KRT25: variants seen among roughly 807,000 people sequenced by gnomAD.
The protein encoded by KRT25 is keratin 25.
KRT25 carries 37 observed loss-of-function variants against 47.6 expected under a neutral mutation model. That is an observed-to-expected ratio of 0.78 (90% confidence interval 0.60 to 1.02). The LOEUF (loss-of-function observed/expected upper bound fraction) is 1.02. Ranked by LOEUF, KRT25 falls within the 50% of genes least tolerant of loss-of-function variation. The pLI, the probability that KRT25 is intolerant of heterozygous loss-of-function variation, is 0.00. For synonymous variants in KRT25, 203 were observed against 210.2 expected (o/e 0.97, Z 0.30); for missense variants, 542 against 550.3 (o/e 0.98, Z 0.15).
In KRT25 at chr17:40,755,273, G is replaced by T. The variant is rs139726500; in HGVS notation, c.-2C>A. ...TGCACTGGAAAGTCGAAGAGACATG[G>T]TATCAGGGCAAACGCGTTGCAGAGC... On this transcript the variant is annotated 5_prime_UTR_variant, in exon 1 of 8. Transcript: ENST00000312150. 18,320 of 1,611,912 alleles carry T rather than the reference G, an allele frequency of 0.011. 237 individuals are homozygous for T. The highest frequency in any genetic ancestry group is 0.011 in the Non-Finnish European group (13,297 of 1,179,000).
rs373580079 is a variant in KRT25 at position 40,753,576 on chromosome 17, C to T, written c.669+284G>A. On this transcript the variant is annotated intron_variant, in intron 3 of 7. Transcript: ENST00000312150. Reference sequence around the variant, plus strand: ...CCGGGCGCCTGTAGTCCCAGCTACTCGGGAGGCTGAGGCAGGAGAATGCCG... The same window carrying T: ...CCGGGCGCCTGTAGTCCCAGCTACTTGGGAGGCTGAGGCAGGAGAATGCCG... Among the ~76,000 whole-genome samples the T allele has an allele frequency of 2.3e-4, 35 of 150,796 alleles. 1 individual carries two copies. The East Asian group carries it at 3.7e-3, about 16-fold the overall frequency.
rs879893603 is a variant in KRT25 at position 40,753,934 on chromosome 17, A to G, written c.595T>C (p.Cys199Arg). Reference protein sequence around the residue: ...LRRVLDEITLCRTDLEIQYET... With the variant: ...LRRVLDEITLRRTDLEIQYET... ...TACTGAATCTCCAGATCTGTTCTGC[A>G]CAGGGTTATTTCATCCAAAACTCTT... is the stretch of plus-strand genomic sequence containing the variant. The change falls in exon 3 of 8, where the codon TGC becomes CGC. Residue 199 changes from cysteine to arginine, a missense_variant. Cys to Arg is a radical substitution (Grantham distance 180). Transcript: ENST00000312150. 1 of 1,614,006 alleles carries G rather than the reference A, an allele frequency of 6.2e-7. No individual in the cohort carries two copies. The highest frequency in any genetic ancestry group is 2.2e-5 in the East Asian group (1 of 44,866).
In KRT25 at chr17:40,750,937, A is replaced by T. The variant is rs377102677; in HGVS notation, c.957+17T>A. 1 of 1,612,410 alleles carries T rather than the reference A, an allele frequency of 6.2e-7. No individual in the cohort carries two copies. The highest frequency in any genetic ancestry group is 8.5e-7 in the Non-Finnish European group (1 of 1,178,904). On this transcript the variant is annotated intron_variant, in intron 5 of 7. Coordinates refer to ENST00000312150, the MANE Select transcript of KRT25 (RefSeq NM_181534.4). ...GATGACCTGGGAGATGGTGAAAAAAAATTGTTCTTTTCATACCGTGGCTAG... is the reference window on the plus strand; with the variant it reads ...GATGACCTGGGAGATGGTGAAAAAATATTGTTCTTTTCATACCGTGGCTAG...
rs376513001 is a variant in KRT25 at position 40,755,286 on chromosome 17, C to A, written c.-15G>T. ...CGAAGAGACATGGTATCAGGGCAAA[C>A]GCGTTGCAGAGCTGTATTTGTGAAA... is the stretch of plus-strand genomic sequence containing the variant. On this transcript the variant is annotated 5_prime_UTR_variant, in exon 1 of 8. Coordinates refer to ENST00000312150, the MANE Select transcript of KRT25 (RefSeq NM_181534.4). 6.2e-7 allele frequency: 1 copy of A among 1,605,516 alleles called. No homozygotes were observed. Among genetic ancestry groups the A allele is most frequent in the African/African-American group, 1.3e-5 (1 of 74,670 alleles).
chr17:40,748,754 A>G (rs2144121563), intron 7 of KRT25, among the ~76,000 whole-genome samples: 1 of 152,334 alleles, frequency 6.6e-6, no homozygotes, highest in South Asian at 2.1e-4. Flanking sequence ...ATAAAGACAC[A>G]TGCATGTGAA....
At chr17:40,750,832 C>A (rs997255438) in intron 5 of KRT25, 122 bp downstream of exon 5, 4 of 1,341,866 alleles carry the variant, frequency 3.0e-6, no homozygotes, top group Non-Finnish European at 4.1e-6. Context: ...CTATTCTTTC[C>A]TTATGTTTTG....
chr17:40,754,572 G>A (rs756195197), intron 1 of KRT25, 104 bp from the exon 2 acceptor site: 10 of 1,075,998 alleles, frequency 9.3e-6, no homozygotes, highest in Non-Finnish European at 1.4e-5. Flanking sequence ...ATCACAAGTA[G>A]GAGGGCATGG....
intron 1 of KRT25, among the ~76,000 whole-genome samples, 171 bp downstream of exon 1, chr17:40,754,672 C>T (rs1320979060): frequency 6.8e-6 from 1 of 147,400 alleles, no homozygotes; most frequent in African/African-American, 2.5e-5. Context: ...GAGCCAAGAT[C>T]CCACGGTTGC....
At chr17:40,749,505 A>G (rs895160862) in intron 6 of KRT25, among the ~76,000 whole-genome samples, 180 bp from the exon 7 acceptor site, 1 of 152,222 alleles carries the variant, frequency 6.6e-6, no homozygotes, top group Non-Finnish European at 1.5e-5. Context: ...CAAGTCACCA[A>G]GTGACATCAC....
intron 3 of KRT25, among the ~76,000 whole-genome samples, chr17:40,753,254 G>C (rs747199378): frequency 2.0e-5 from 3 of 151,396 alleles, no homozygotes; most frequent in Admixed American, 1.3e-4. Context: ...TGTCCAAAGC[G>C]GATCATTTTA....
In KRT25 at chr17:40,750,375, C is replaced by A. The variant is rs866881312; in HGVS notation, c.1175+5G>T. 1.2e-6 allele frequency: 2 copies of A among 1,613,354 alleles called. No individual in the cohort carries two copies. Among genetic ancestry groups the A allele is most frequent in the African/African-American group, 2.7e-5 (2 of 74,888 alleles). ...TACGCCATCTATGCAGATTATTTTA[C>A]CTACCCATCATCTCCTCCTATAAGG... is the stretch of plus-strand genomic sequence containing the variant. On this transcript the variant is annotated splice_donor_5th_base_variant and intron_variant, in intron 6 of 7. Coordinates refer to ENST00000312150, the MANE Select transcript of KRT25 (RefSeq NM_181534.4).
rs201959114 is a variant in KRT25 at position 40,754,462 on chromosome 17, C to T, written c.436G>A (p.Ala146Thr). ...IIDDLKNQIIASTTSNANAVL... is the reference protein window; with the variant it reads ...IIDDLKNQIITSTTSNANAVL... ...GCATTAGCATTGCTGGTGGTGGATG[C>T]GATGATCTAGAAATGGGAATTTGAC... is the stretch of plus-strand genomic sequence containing the variant. The change falls in exon 2 of 8, where the codon GCA (alanine) becomes ACA (threonine). Residue 146 changes from alanine (A) to threonine (T), a missense_variant. Physicochemically the swap from Ala to Thr is moderately conservative, Grantham distance 58. Transcript: ENST00000312150. 502 of 1,613,010 alleles carry T rather than the reference C, an allele frequency of 3.1e-4. No homozygotes were observed. In the East Asian group the frequency reaches 4.0e-3, roughly 13 times the overall value.
intron 3 of KRT25, 70 bp downstream of exon 3, chr17:40,753,790 T>G (rs1450402934): frequency 1.2e-5 from 16 of 1,308,616 alleles, no homozygotes; most frequent in Non-Finnish European, 1.6e-5. Context: ...TGAGAGGTTA[T>G]GTACATTATC....
At position 40,754,400 on chromosome 17, in the gene KRT25, A is replaced by G. The variant is rs1567664608; in HGVS notation, c.498T>C (p.Asp166=). The G allele has an allele frequency of 6.2e-7, 1 of 1,613,808 alleles. No individual in the cohort carries two copies. The highest frequency in any genetic ancestry group is 8.5e-7 in the Non-Finnish European group (1 of 1,179,700). Residue 166 remains aspartate (D), a synonymous_variant, in exon 2 of 8, where the codon GAT becomes GAC. Transcript: ENST00000312150. ...AGTCTACTTACTTGAGTCTGAAATCATCAGCTGTAAGCCTGGCATTATCGA... is the reference window on the plus strand; with the variant it reads ...AGTCTACTTACTTGAGTCTGAAATCGTCAGCTGTAAGCCTGGCATTATCGA... ...LQIDNARLTA[D]DFRLKYENEL...
At chr17:40,749,848 A>AT (rs150119598) in intron 6 of KRT25, among the ~76,000 whole-genome samples, 14,970 of 151,470 alleles carry the variant, frequency 0.099, 978 homozygotes, top group South Asian at 0.23. Flanking sequence ...TTAAGAAGTG[A>AT]TTTTTTTTTC....
Position 40,755,085 on chromosome 17 carries a change from G to C in KRT25, c.187C>G (p.Pro63Ala). The C allele has an allele frequency of 6.2e-7, 1 of 1,614,110 alleles. No individual in the cohort carries two copies. Among genetic ancestry groups the C allele is most frequent in the South Asian group, 1.1e-5 (1 of 91,064 alleles). The change falls in exon 1 of 8, where the codon CCC (proline) becomes GCC (alanine). Residue 63 changes from proline to alanine, a missense_variant. Transcript: ENST00000312150. ...SSGGNTGGGN[P>A]CAGFTVNERG... ...TCATTCACAGTGAAGCCAGCACAGG[G>C]ATTACCTCCCCCTGTGTTTCCTCCC...
rs1253561684 is a variant in KRT25 at position 40,755,321 on chromosome 17, G to T, written c.-50C>A. On this transcript the variant is annotated 5_prime_UTR_variant, in exon 1 of 8. Coordinates refer to ENST00000312150, the MANE Select transcript of KRT25 (RefSeq NM_181534.4). Reference sequence around the variant, plus strand: ...AGCTGTATTTGTGAAAGCCAGAATGGAGTGCCTTCTTGTCTAAAAGGTTTG... The same window carrying T: ...AGCTGTATTTGTGAAAGCCAGAATGTAGTGCCTTCTTGTCTAAAAGGTTTG... 1.3e-6 allele frequency: 2 copies of T among 1,546,092 alleles called. No homozygotes were observed. Among genetic ancestry groups the T allele is most frequent in the African/African-American group, 2.7e-5 (2 of 73,124 alleles).
chr17:40,754,209 C>A (rs996813348), intron 2 of KRT25, among the ~76,000 whole-genome samples, 177 bp downstream of exon 2: 8 of 152,090 alleles, frequency 5.3e-5, no homozygotes, highest in Non-Finnish European at 1.0e-4. Flanking sequence ...GGGTATTGGG[C>A]GCTAGTTTTA....
intron 1 of KRT25, 24 bp from the exon 2 acceptor site, chr17:40,754,492 A>G (rs965810843): frequency 1.1e-5 from 17 of 1,586,006 alleles, no homozygotes; most frequent in Middle Eastern, 1.7e-4. Flanking sequence ...TTTGACTTTT[A>G]TCATGAAGTA....
Sources: allele counts gnomAD v4.1 joint callset (sites outside exome capture counted in the v4.1 genomes callset), GRCh38; gene constraint gnomAD v4.1.1; transcripts MANE v1.5; gene names NCBI Gene and HGNC (gene_info 2026-07-23, HGNC 2026-07-21).